The following CA10 variants were observed in gnomAD, a reference collection of about 807,000 sequenced individuals.
The protein encoded by CA10 is carbonic anhydrase-related protein 10.
Under a neutral mutation model 44.2 loss-of-function variants are expected in CA10, and 14 were observed. That is an observed-to-expected ratio of 0.32 (90% CI 0.21 to 0.50). CA10 has a LOEUF of 0.50. Among genes scored for constraint, CA10 ranks in the 20% least tolerant of loss-of-function variants. The probability of loss-of-function intolerance (pLI) is 0.99; values close to 1 mark genes in which losing one functional copy is unlikely to be tolerated. For missense variants in CA10, 350 were observed against 409.7 expected, an observed-to-expected ratio of 0.85 and a Z score of 1.26; for synonymous variants, 159 against 141.6, an observed-to-expected ratio of 1.12 and a Z score of -0.87.
intron 2 of CA10, among the ~76,000 whole-genome samples, chr17:51,998,909 C>T (rs1022587693): frequency 6.6e-6 from 1 of 151,998 alleles, no homozygotes; most frequent in Non-Finnish European, 1.5e-5. Context: ...TTCACATAAA[C>T]TGGAGCTAAA....
chr17:51,751,875 C>T (rs542859173), intron 3 of CA10, among the ~76,000 whole-genome samples: 19 of 152,268 alleles, frequency 1.2e-4, no homozygotes, highest in South Asian at 4.1e-4. Flanking sequence ...TTCATTCATT[C>T]GCTTGGCCAT....
Position 51,633,624 on chromosome 17 carries a change from C to A in CA10, c.816G>T (p.Gln272His), listed in dbSNP as rs149523462. ...TCAGAAAGATCTGAGATGGCTGGTTCTGGCTGAGCAGGCGCAAGGAATGCA... is the reference window on the plus strand; with the variant it reads ...TCAGAAAGATCTGAGATGGCTGGTTATGGCTGAGCAGGCGCAAGGAATGCA... ...MQMHSLRLLS[Q>H]NQPSQIFLSM... Residue 272 changes from glutamine (Q) to histidine (H), a missense_variant, in exon 8 of 9, where the codon CAG becomes CAT. Transcript: ENST00000451037. 12 of 1,613,742 alleles carry A rather than the reference C, an allele frequency of 7.4e-6. No individual in the cohort carries two copies. In the African/African-American group the frequency reaches 1.3e-4, roughly 18 times the overall value.
chr17:51,673,029 C>G lies in CA10; in HGVS notation c.466-19293G>C, dbSNP rs1342684522. 5.9e-5 allele frequency among the ~76,000 whole-genome samples: 9 copies of G among 152,214 alleles called. No individual in the cohort carries two copies. In the East Asian group the frequency reaches 1.5e-3, roughly 26 times the overall value. ...CTTGGCTGAGACAAAACACACACCT[C>G]TCTTGTTGGTCTTTCTGAGTTGAAC... On this transcript the variant is annotated intron_variant, in intron 4 of 8. Coordinates refer to ENST00000451037, the MANE Select transcript of CA10 (RefSeq NM_020178.5).
intron 1 of CA10, among the ~76,000 whole-genome samples, chr17:52,111,112 C>T (rs1367439284): frequency 6.6e-6 from 1 of 152,142 alleles, no homozygotes; most frequent in Non-Finnish European, 1.5e-5. Context: ...TCTTTGGAGA[C>T]AGCTGTCACA....
chr17:51,660,844 A>C (rs888313100), intron 4 of CA10, among the ~76,000 whole-genome samples: 1 of 151,840 alleles, frequency 6.6e-6, no homozygotes, highest in Non-Finnish European at 1.5e-5. Context: ...TGCTCTGCTC[A>C]GTGTCTTTCT....
chr17:51,967,425 C>A (rs186552564), intron 2 of CA10, among the ~76,000 whole-genome samples: 3 of 151,616 alleles, frequency 2.0e-5, no homozygotes, highest in East Asian at 3.9e-4. Context: ...ACAGCAAAGA[C>A]GTGAAATCAA....
At chr17:51,873,435 T>C (rs1446273701) in intron 3 of CA10, among the ~76,000 whole-genome samples, 2 of 152,202 alleles carry the variant, frequency 1.3e-5, no homozygotes, top group South Asian at 4.1e-4. Flanking sequence ...TCAGCAATCG[T>C]TCTATCATCC....
At chr17:51,831,667 AAGCAGCAGCAGC>A (rs66635963) in intron 3 of CA10, among the ~76,000 whole-genome samples, 17,815 of 127,422 alleles carry the variant, frequency 0.14, 1,338 homozygotes, top group African/African-American at 0.21. Flanking sequence ...AGAAAAGAAA[AAGCAGCAGCAGC>A]AGCAGCAGCA....
In CA10 at chr17:52,009,979, G is replaced by A. The variant is rs571596357; in HGVS notation, c.136+62340C>T. 3.3e-5 allele frequency among the ~76,000 whole-genome samples: 5 copies of A among 151,964 alleles called. No homozygotes were observed. In the South Asian group the frequency reaches 1.0e-3, roughly 32 times the overall value. On this transcript the variant is annotated intron_variant, in intron 2 of 8. Coordinates refer to ENST00000451037, the MANE Select transcript of CA10 (RefSeq NM_020178.5). ...ATTCTCAAAATCAGATATATAAATG[G>A]CCAAGAAGCATATGGAAAAATGCTC... is the stretch of plus-strand genomic sequence containing the variant.
chr17:51,714,963 C>T (rs940230529), intron 4 of CA10, among the ~76,000 whole-genome samples: 1 of 152,146 alleles, frequency 6.6e-6, no homozygotes, highest in Non-Finnish European at 1.5e-5. Context: ...AGAATTCTAG[C>T]TTTTCAATAA....
intron 3 of CA10, among the ~76,000 whole-genome samples, chr17:51,797,864 A>AAG (rs2143710385): frequency 6.6e-6 from 1 of 151,456 alleles, no homozygotes; most frequent in East Asian, 1.9e-4. Context: ...AAAAAAAAAA[A>AAG]AAAAAAAAAA....
intron 2 of CA10, among the ~76,000 whole-genome samples, chr17:51,932,777 T>C (rs1466794368): frequency 1.3e-5 from 2 of 152,154 alleles, no homozygotes; most frequent in African/African-American, 4.8e-5. Flanking sequence ...TCTTAAAATA[T>C]GTTATCACTA....
chr17:51,907,080 A>G (rs1369820432), intron 3 of CA10, among the ~76,000 whole-genome samples: 1 of 152,128 alleles, frequency 6.6e-6, no homozygotes, highest in East Asian at 1.9e-4. Context: ...TAACATCAGC[A>G]TTAAAACCAA....
chr17:51,859,343 G>A (rs945721967), intron 3 of CA10, among the ~76,000 whole-genome samples: 3 of 152,156 alleles, frequency 2.0e-5, no homozygotes, highest in African/African-American at 7.2e-5. Flanking sequence ...GGCCATGTCT[G>A]TAAGTGAGTG....
chr17:52,121,289 C>A (rs767289706), intron 1 of CA10, among the ~76,000 whole-genome samples: 37 of 152,084 alleles, frequency 2.4e-4, no homozygotes, highest in Non-Finnish European at 3.4e-4. Context: ...GTTGGTTTGA[C>A]AAAATGAGAA....
intron 4 of CA10, among the ~76,000 whole-genome samples, chr17:51,725,822 C>T (rs1567818320): frequency 6.6e-6 from 1 of 152,110 alleles, no homozygotes; most frequent in Non-Finnish European, 1.5e-5. Context: ...CTTGTGCATT[C>T]ATTATTTATT....
intron 4 of CA10, among the ~76,000 whole-genome samples, chr17:51,717,688 T>C (rs1326587012): frequency 1.0e-5 from 1 of 99,220 alleles, no homozygotes; most frequent in Non-Finnish European, 2.0e-5. Context: ...TATATATGTA[T>C]ACATATATGC....
chr17:52,117,306 A>C (rs758266018), intron 1 of CA10, among the ~76,000 whole-genome samples: 1 of 152,210 alleles, frequency 6.6e-6, no homozygotes, highest in Non-Finnish European at 1.5e-5. Context: ...TGTTTTCCTC[A>C]TGGAAGCCCA....
At chr17:51,914,181 A>C (rs1425878002) in intron 3 of CA10, among the ~76,000 whole-genome samples, 1 of 152,102 alleles carries the variant, frequency 6.6e-6, no homozygotes, top group Admixed American at 6.6e-5. Flanking sequence ...TGGGGTGAAC[A>C]CCCCAGCTGC....
Sources: allele counts gnomAD v4.1 joint callset (sites outside exome capture counted in the v4.1 genomes callset), GRCh38; gene constraint gnomAD v4.1.1; transcripts MANE v1.5; gene names NCBI Gene and HGNC (gene_info 2026-07-23, HGNC 2026-07-21).